OR10G4: variants seen among roughly 807,000 people sequenced by gnomAD.
OR10G4 encodes olfactory receptor family 10 subfamily G member 4.
For missense variants in OR10G4, 318 were observed against 388.8 expected (o/e 0.82, Z 1.53); for synonymous variants, 130 against 159.3 (o/e 0.82, Z 1.39).
Position 124,015,623 on chromosome 11 carries a change from C to A in OR10G4, c.49C>A (p.His17Asn). The A allele has an allele frequency of 6.2e-7, 1 of 1,603,722 alleles. No homozygotes were observed. The highest frequency in any genetic ancestry group is 8.5e-7 in the Non-Finnish European group (1 of 1,174,428). The change falls in exon 2 of 2, where the codon CAT becomes AAT. Residue 17 changes from histidine to asparagine, a missense_variant. By Grantham distance (68) the His-to-Asn change is moderately conservative (BLOSUM62 1). Coordinates refer to ENST00000641722, the MANE Select transcript of OR10G4 (RefSeq NM_001004462.2). Reference protein sequence around the residue: ...VTAFILTGLPHAPGLDALLFG... With the variant: ...VTAFILTGLPNAPGLDALLFG... Reference sequence around the variant, plus strand: ...AGCATTCATCCTCACAGGCCTTCCCCATGCCCCAGGGCTGGACGCCCTCCT... The same window carrying A: ...AGCATTCATCCTCACAGGCCTTCCCAATGCCCCAGGGCTGGACGCCCTCCT...
Position 124,016,524 on chromosome 11 carries a change from AAT to A in OR10G4, c.*16_*17del, listed in dbSNP as rs777179348. 6.5e-7 allele frequency: 1 copy of A among 1,529,532 alleles called. No homozygotes were observed. Among genetic ancestry groups the A allele is most frequent in the East Asian group, 2.3e-5 (1 of 44,328 alleles). 94.7% of individuals were successfully genotyped at this position (1,529,532 alleles called of 1,614,324 possible). On this transcript the variant is annotated 3_prime_UTR_variant, in exon 2 of 2. Transcript: ENST00000641722. Reference sequence around the variant, plus strand: ...CAGAGGAAATAAATACTAGGAAGTAAATACACTAGTTTGTTTAAAAATAGTAA... The same window carrying A: ...CAGAGGAAATAAATACTAGGAAGTAAACACTAGTTTGTTTAAAAATAGTAA...
At position 124,016,553 on chromosome 11, in the gene OR10G4, C is replaced by A. The variant is rs577337517; in HGVS notation, c.*43C>A. The A allele has an allele frequency of 3.1e-4, 441 of 1,401,832 alleles. No homozygotes were observed. The highest frequency in any genetic ancestry group is 1.8e-3 in the South Asian group (131 of 71,350). 86.8% of individuals were successfully genotyped at this position (1,401,832 alleles called of 1,614,324 possible). ...CACTAGTTTGTTTAAAAATAGTAAT[C>A]TAATTTAGTTATTCATGTGAAATTG... is the stretch of plus-strand genomic sequence containing the variant. On this transcript the variant is annotated 3_prime_UTR_variant, in exon 2 of 2. Coordinates refer to ENST00000641722, the MANE Select transcript of OR10G4 (RefSeq NM_001004462.2).
At chr11:124,013,393 C>T (rs1863987248) in intron 1 of OR10G4, among the ~76,000 whole-genome samples, 1 of 152,164 alleles carries the variant, frequency 6.6e-6, no homozygotes, top group African/African-American at 2.4e-5. Flanking sequence ...TTTCATATTT[C>T]ATAAAATCTG....
At position 124,015,583 on chromosome 11, in the gene OR10G4, C is replaced by G. The variant is rs547870; in HGVS notation, c.9C>G (p.Asn3Lys). ...ACCAAGGGTGAGAAGAAATGTCCAA[C>G]GCCAGCCTCGTGACAGCATTCATCC... is the stretch of plus-strand genomic sequence containing the variant. Reference protein sequence around the residue: MSNASLVTAFILT... With the variant: MSKASLVTAFILT... Residue 3 changes from asparagine to lysine, a missense_variant, in exon 2 of 2, where the codon AAC (asparagine) becomes AAG (lysine). Physicochemically the swap from Asn to Lys is moderately conservative, Grantham distance 94. Coordinates refer to ENST00000641722, the MANE Select transcript of OR10G4 (RefSeq NM_001004462.2). 5.6e-6 allele frequency: 9 copies of G among 1,608,020 alleles called. No individual in the cohort carries two copies. Among genetic ancestry groups the G allele is most frequent in the East Asian group, 4.5e-5 (2 of 44,806 alleles).
rs1397734099 is a variant in OR10G4, at chr11:124,017,862, G to A, written c.*1352G>A. On this transcript the variant is annotated 3_prime_UTR_variant, in exon 2 of 2. Coordinates refer to ENST00000641722, the MANE Select transcript of OR10G4 (RefSeq NM_001004462.2). ...TATCACAACTTATGGCAAAGCTCTA[G>A]TAACTCAGAGAGTGTTGCATTTGTA... 6.6e-6 allele frequency: 1 copy of A among 152,102 alleles called. No individual in the cohort carries two copies. Among genetic ancestry groups the A allele is most frequent in the Admixed American group, 6.5e-5 (1 of 15,268 alleles). The allele number at this position is 152,102 out of a possible 1,614,324, so 9.4% of individuals were successfully genotyped here.
chr11:124,014,272 G>A (rs1863996241), intron 1 of OR10G4, among the ~76,000 whole-genome samples: 1 of 152,128 alleles, frequency 6.6e-6, no homozygotes, highest in East Asian at 1.9e-4. Context: ...GCATGAAATA[G>A]TCCACAAAGA....
rs1048360586 is a variant in OR10G4 at position 124,017,393 on chromosome 11, A to G, written c.*883A>G. 3 of 152,330 alleles carry G rather than the reference A, an allele frequency of 2.0e-5. No homozygotes were observed. In the East Asian group the frequency reaches 5.8e-4, roughly 29 times the overall value. 9.4% of individuals were successfully genotyped at this position (152,330 alleles called of 1,614,324 possible). ...AGTTCACTTGGCAATGTCTGGAAAT[A>G]TTCTTGCTTGTCACAGGCACTGGCG... On this transcript the variant is annotated 3_prime_UTR_variant, in exon 2 of 2. Transcript: ENST00000641722.
chr11:124,014,741 C>A (rs1864000404), intron 1 of OR10G4, among the ~76,000 whole-genome samples: 1 of 152,070 alleles, frequency 6.6e-6, no homozygotes, highest in Non-Finnish European at 1.5e-5. Context: ...CAATTAAATT[C>A]TTGCTCTTTT....
In OR10G4 at chr11:124,016,183, G is replaced by A. The variant is rs1864017220; in HGVS notation, c.609G>A (p.Gly203=). ...TGATGGTCATCTTTGTGGACATTGG[G>A]ATAGTGGCCTCAGGCTGCTTTGTCC... ...ANVMVIFVDI[G]IVASGCFVLI... The change falls in exon 2 of 2, where the codon GGG becomes GGA. Residue 203 remains glycine (G), a synonymous_variant. Transcript: ENST00000641722. 2 of 1,614,220 alleles carry A rather than the reference G, an allele frequency of 1.2e-6. No individual in the cohort carries two copies. The highest frequency in any genetic ancestry group is 1.7e-6 in the Non-Finnish European group (2 of 1,180,042).
intron 1 of OR10G4, 61 bp downstream of exon 1, chr11:124,013,173 C>T (rs1272775224): frequency 1.3e-5 from 2 of 152,132 alleles, no homozygotes; most frequent in East Asian, 3.8e-4. Context: ...TTTTCTTTAT[C>T]TTAACTTTAA....
intron 1 of OR10G4, among the ~76,000 whole-genome samples, chr11:124,014,601 A>G (rs1306047672): frequency 6.6e-6 from 1 of 152,186 alleles, no homozygotes; most frequent in Non-Finnish European, 1.5e-5. Context: ...ATGTACGTAT[A>G]TATACATATA....
At position 124,017,984 on chromosome 11, in the gene OR10G4, G is replaced by A. The variant is rs1324441842; in HGVS notation, c.*1474G>A. ...AAAGATGACACTGCAAAGCAATAAAGCATGATTGCTTTCTTGAATAAATTA... is the reference window on the plus strand; with the variant it reads ...AAAGATGACACTGCAAAGCAATAAAACATGATTGCTTTCTTGAATAAATTA... On this transcript the variant is annotated 3_prime_UTR_variant, in exon 2 of 2. Transcript: ENST00000641722. 5 of 152,104 alleles carry A rather than the reference G, an allele frequency of 3.3e-5. No individual in the cohort carries two copies. The highest frequency in any genetic ancestry group is 2.1e-4 in the South Asian group (1 of 4,824). The allele number at this position is 152,104 out of a possible 1,614,324, so 9.4% of individuals were successfully genotyped here. A position where few individuals can be genotyped will look rare whatever the true frequency, so the allele number is the denominator to read the frequency against.
rs1864027596 is a variant in OR10G4 at position 124,017,035 on chromosome 11, T to G, written c.*525T>G. 6.6e-6 allele frequency: 1 copy of G among 152,256 alleles called. No homozygotes were observed. Among genetic ancestry groups the G allele is most frequent in the South Asian group, 2.1e-4 (1 of 4,826 alleles). 9.4% of individuals were successfully genotyped at this position (152,256 alleles called of 1,614,324 possible). The stretch of plus-strand genomic sequence containing the variant: ...GTATACAAAAGAAAGTACATGACAT[T>G]TAGCATATTTAACATATAGGTTTTC... On this transcript the variant is annotated 3_prime_UTR_variant, in exon 2 of 2. Coordinates refer to ENST00000641722, the MANE Select transcript of OR10G4 (RefSeq NM_001004462.2).
chr11:124,014,402 C>A (rs910081369), intron 1 of OR10G4, among the ~76,000 whole-genome samples: 2 of 152,180 alleles, frequency 1.3e-5, no homozygotes, highest in Non-Finnish European at 2.9e-5. Flanking sequence ...AACTCACTAT[C>A]ATTTATCAAG....
In OR10G4 at chr11:124,018,362, C is replaced by A. The variant is rs1864038696; in HGVS notation, c.*1852C>A. ...GCTATCCCTCCCCCAGCCCCCCACC[C>A]CCCAAAAGGCCCCCTTGTGTGATGT... On this transcript the variant is annotated 3_prime_UTR_variant, in exon 2 of 2. Coordinates refer to ENST00000641722, the MANE Select transcript of OR10G4 (RefSeq NM_001004462.2). 6.7e-6 allele frequency: 1 copy of A among 149,192 alleles called. No homozygotes were observed. The highest frequency in any genetic ancestry group is 1.5e-5 in the Non-Finnish European group (1 of 67,256). 9.2% of individuals were successfully genotyped at this position (149,192 alleles called of 1,614,324 possible).
chr11:124,018,474 C>T lies in OR10G4; in HGVS notation c.*1964C>T, dbSNP rs1446100366. On this transcript the variant is annotated 3_prime_UTR_variant, in exon 2 of 2. Transcript: ENST00000641722. ...GTGTTGGTTTTCTCTTCTTGTGTTA[C>T]TTTGCTGGAAGATATTAGTTTCCAG... The T allele has an allele frequency of 6.6e-6, 1 of 151,082 alleles. No homozygotes were observed. The highest frequency in any genetic ancestry group is 1.5e-5 in the Non-Finnish European group (1 of 67,946). 9.4% of individuals were successfully genotyped at this position (151,082 alleles called of 1,614,324 possible). A position where few individuals can be genotyped will look rare whatever the true frequency, so the allele number is the denominator to read the frequency against.
Position 124,016,069 on chromosome 11 carries a change from G to T in OR10G4, c.495G>T (p.Leu165Phe), listed in dbSNP as rs1425506915. ...TCCAGACCATATTGACTTTCCATTT[G>T]CCCTACTGTGGACCCAACCAGATCC... is the stretch of plus-strand genomic sequence containing the variant. ...SAVQTILTFHLPYCGPNQIQH... is the reference protein window; with the variant it reads ...SAVQTILTFHFPYCGPNQIQH... Residue 165 changes from leucine to phenylalanine, a missense_variant, in exon 2 of 2, where the codon TTG becomes TTT. Coordinates refer to ENST00000641722, the MANE Select transcript of OR10G4 (RefSeq NM_001004462.2). 6.2e-7 allele frequency: 1 copy of T among 1,613,856 alleles called. No homozygotes were observed. Among genetic ancestry groups the T allele is most frequent in the Admixed American group, 1.7e-5 (1 of 59,998 alleles).
intron 1 of OR10G4, among the ~76,000 whole-genome samples, chr11:124,014,661 G>A (rs1863999502): frequency 6.6e-6 from 1 of 152,172 alleles, no homozygotes; most frequent in Admixed American, 6.5e-5. Context: ...TGATGTTAGT[G>A]ATGTCAAATA....
chr11:124,018,242 T>C lies in OR10G4; in HGVS notation c.*1732T>C, dbSNP rs1475777552. ...TATACTTTAAGTTCTGGCATACATG[T>C]GCACAACGTGCAGGTTTGTTATGTA... On this transcript the variant is annotated 3_prime_UTR_variant, in exon 2 of 2. Coordinates refer to ENST00000641722, the MANE Select transcript of OR10G4 (RefSeq NM_001004462.2). 1.3e-5 allele frequency: 2 copies of C among 152,254 alleles called. No individual in the cohort carries two copies. The highest frequency in any genetic ancestry group is 4.1e-4 in the South Asian group (2 of 4,832). 9.4% of individuals were successfully genotyped at this position (152,254 alleles called of 1,614,324 possible).
Sources: gnomAD v4.1 joint callset for allele counts (sites outside exome capture counted in the v4.1 genomes callset) on GRCh38, gnomAD v4.1.1 for gene constraint, MANE v1.5 for transcripts, NCBI Gene and HGNC (gene_info 2026-07-23, HGNC 2026-07-21) for gene names.